NDUFAB1: variants seen among roughly 807,000 people sequenced by gnomAD.
The protein encoded by NDUFAB1 is NADH:ubiquinone oxidoreductase subunit AB1, also known as acyl carrier protein, mitochondrial.
NDUFAB1 carries 5 observed loss-of-function variants against 16.1 expected under a neutral mutation model. The observed-to-expected ratio is 0.31, with a 90% CI of 0.16 to 0.65. The LOEUF is 0.65. NDUFAB1 is among the 30% of genes least tolerant of loss of function. The pLI, the probability that NDUFAB1 is intolerant of heterozygous loss-of-function variation, is 0.77. For synonymous variants in NDUFAB1, 85 were observed against 78.4 expected, an observed-to-expected ratio of 1.08 and a Z score of -0.44; for missense variants, 187 against 205.3, an observed-to-expected ratio of 0.91 and a Z score of 0.54.
At chr16:23,595,492 G>A (rs954749690) in intron 1 of NDUFAB1, 29 of 441,216 alleles carry the variant, frequency 6.6e-5, no homozygotes, top group Admixed American at 5.1e-4. Flanking sequence ...TACGCGGGGC[G>A]GCACATCCCG....
At chr16:23,593,550 C>A (rs1335383014) in intron 1 of NDUFAB1, among the ~76,000 whole-genome samples, 1 of 152,166 alleles carries the variant, frequency 6.6e-6, no homozygotes, top group Non-Finnish European at 1.5e-5. Context: ...AATGGTTCCT[C>A]TGCTATATAT....
At chr16:23,594,428 C>A (rs1966305754) in intron 1 of NDUFAB1, among the ~76,000 whole-genome samples, 2 of 152,096 alleles carry the variant, frequency 1.3e-5, no homozygotes, top group East Asian at 1.9e-4. Context: ...TCTCAGCTCC[C>A]TAAAACCTCT....
chr16:23,582,964 G>A (rs1438496962), intron 3 of NDUFAB1, among the ~76,000 whole-genome samples: 1 of 152,242 alleles, frequency 6.6e-6, no homozygotes, highest in Non-Finnish European at 1.5e-5. Flanking sequence ...TTGCAGGCAC[G>A]CGCCGCCACG....
intron 1 of NDUFAB1, 108 bp from the exon 2 acceptor site, chr16:23,587,427 C>G: frequency 7.4e-7 from 1 of 1,359,162 alleles, no homozygotes; most frequent in Non-Finnish European, 9.9e-7. Context: ...TTTAGAGAAC[C>G]CACAGCATCT....
chr16:23,593,894 T>TTATG (rs1483905457), intron 1 of NDUFAB1, among the ~76,000 whole-genome samples: 7 of 150,198 alleles, frequency 4.7e-5, no homozygotes, highest in Admixed American at 1.3e-4. Flanking sequence ...ATTTATTTAT[T>TTATG]TATTGAGATG....
intron 1 of NDUFAB1, among the ~76,000 whole-genome samples, chr16:23,594,352 A>C (rs1567410101): frequency 6.6e-6 from 1 of 151,928 alleles, no homozygotes. Context: ...GATTCTGTCG[A>C]TCTGGCACGG....
chr16:23,587,060 G>A (rs1433108160), intron 2 of NDUFAB1, 137 bp downstream of exon 2: 13 of 756,000 alleles, frequency 1.7e-5, no homozygotes, highest in Middle Eastern at 3.4e-4. Flanking sequence ...AACTGGTAGC[G>A]CTGGCTATCT....
intron 1 of NDUFAB1, chr16:23,595,580 G>A (rs1339159450): frequency 4.4e-6 from 2 of 455,974 alleles, no homozygotes; most frequent in African/African-American, 2.0e-5. Flanking sequence ...ATTGGTCAAA[G>A]GTCACTTGGC....
At position 23,586,302 on chromosome 16, in the gene NDUFAB1, A is replaced by C. The variant is rs141585283; in HGVS notation, c.292-879T>G. Among the ~76,000 whole-genome samples the C allele has an allele frequency of 9.5e-3, 1,407 of 148,646 alleles. 26 individuals carry two copies. The highest frequency in any genetic ancestry group is 0.032 in the African/African-American group (1,318 of 40,584). ...GAATGATTCTTCAAAAACCCAAATC[A>C]AAAAAAAAACTGCCTTACCTACACA... On this transcript the variant is annotated intron_variant, in intron 2 of 4. Coordinates refer to ENST00000007516, the MANE Select transcript of NDUFAB1 (RefSeq NM_005003.3).
chr16:23,590,191 G>C (rs999041191), intron 1 of NDUFAB1, among the ~76,000 whole-genome samples: 1 of 152,160 alleles, frequency 6.6e-6, no homozygotes, highest in South Asian at 2.1e-4. Flanking sequence ...AGGGCCAGGT[G>C]GGCACCATGT....
intron 1 of NDUFAB1, among the ~76,000 whole-genome samples, chr16:23,589,929 C>G (rs545293542): frequency 1.2e-4 from 14 of 113,620 alleles, no homozygotes; most frequent in African/African-American, 4.4e-4. Flanking sequence ...GGGTGAGACT[C>G]TGTCTCCAAA....
At chr16:23,583,635 A>G (rs561126939) in intron 3 of NDUFAB1, among the ~76,000 whole-genome samples, 5,433 of 130,314 alleles carry the variant, frequency 0.042, 559 homozygotes, top group African/African-American at 0.085. Context: ...CCGTCTGAGA[A>G]GTGAGGAGCC....
intron 1 of NDUFAB1, among the ~76,000 whole-genome samples, chr16:23,595,203 A>G (rs1367324422): frequency 6.6e-6 from 1 of 152,076 alleles, no homozygotes; most frequent in Non-Finnish European, 1.5e-5. Flanking sequence ...CGTTAGCCGG[A>G]GGTTGCAGTG....
intron 1 of NDUFAB1, chr16:23,591,087 C>T (rs1385702330): frequency 6.6e-6 from 1 of 152,130 alleles, no homozygotes; most frequent in African/African-American, 2.4e-5. Flanking sequence ...TAGGTATCCT[C>T]CTCACCCCAT....
At chr16:23,595,450 A>G in intron 1 of NDUFAB1, 1 of 398,854 alleles carries the variant, frequency 2.5e-6, no homozygotes, top group Admixed American at 2.9e-5. Flanking sequence ...AGCCTTGCAG[A>G]ATCCGCTTAT....
chr16:23,592,197 G>C (rs535337419), intron 1 of NDUFAB1, among the ~76,000 whole-genome samples: 1 of 152,262 alleles, frequency 6.6e-6, no homozygotes, highest in South Asian at 2.1e-4. Context: ...AACGAAATGA[G>C]GTCAGGCGTG....
chr16:23,589,803 G>A (rs554188854), intron 1 of NDUFAB1, among the ~76,000 whole-genome samples: 23 of 152,174 alleles, frequency 1.5e-4, no homozygotes, highest in African/African-American at 5.3e-4. Flanking sequence ...GGGCATCGTG[G>A]CGTGTGCCTA....
chr16:23,587,107 T>A (rs1966240056), intron 2 of NDUFAB1, 90 bp downstream of exon 2: 2 of 1,354,106 alleles, frequency 1.5e-6, no homozygotes, highest in African/African-American at 2.9e-5. Flanking sequence ...GCCAGGGAGA[T>A]TTTTACTGAG....
At chr16:23,583,946 C>G (rs1257236146) in intron 3 of NDUFAB1, among the ~76,000 whole-genome samples, 2 of 151,520 alleles carry the variant, frequency 1.3e-5, no homozygotes, top group Non-Finnish European at 2.9e-5. Context: ...TGCTGTTGAT[C>G]TATGACCTTA....
Sources: gnomAD v4.1 joint callset for allele counts (sites outside exome capture counted in the v4.1 genomes callset) on GRCh38, gnomAD v4.1.1 for gene constraint, MANE v1.5 for transcripts, NCBI Gene and HGNC (gene_info 2026-07-23, HGNC 2026-07-21) for gene names.